The following BAZ2A variants were observed in gnomAD, a reference collection of about 807,000 sequenced individuals.
BAZ2A encodes the protein bromodomain adjacent to zinc finger domain protein 2A.
Under a neutral mutation model 199.9 loss-of-function variants are expected in BAZ2A, and 34 were observed. That is an observed-to-expected ratio of 0.17 (90% confidence interval 0.13 to 0.23). The LOEUF is 0.23. BAZ2A is among the 10% of genes least tolerant of loss of function. The pLI, the probability that BAZ2A is intolerant of heterozygous loss-of-function variation, is 1.00. For missense variants in BAZ2A, 2,002 were observed against 2,391.1 expected, an observed-to-expected ratio of 0.84 and a Z score of 3.39; for synonymous variants, 857 against 883.9, an observed-to-expected ratio of 0.97 and a Z score of 0.54.
At position 56,615,437 on chromosome 12, in the gene BAZ2A, T is replaced by C; in HGVS notation, c.307A>G (p.Ser103Gly). 6.2e-7 allele frequency: 1 copy of C among 1,613,154 alleles called. No individual in the cohort carries two copies. The highest frequency in any genetic ancestry group is 8.5e-7 in the Non-Finnish European group (1 of 1,179,806). Reference sequence around the variant, plus strand: ...AGAAGGGGTGGGTCCTTGAGGTTGCTGCCAGGATTGGCAGATGGGTACTGT... The same window carrying C: ...AGAAGGGGTGGGTCCTTGAGGTTGCCGCCAGGATTGGCAGATGGGTACTGT... ...YSQYPSANPG[S>G]NLKDPPLLSQ... The change falls in exon 3 of 29, where the codon AGC (serine) becomes GGC (glycine). Residue 103 changes from serine to glycine, a missense_variant. Transcript: ENST00000549884.
chr12:56,615,973 G>T (rs557136867), intron 2 of BAZ2A, among the ~76,000 whole-genome samples: 1 of 152,022 alleles, frequency 6.6e-6, no homozygotes, highest in African/African-American at 2.4e-5. Flanking sequence ...GTGCAATCTC[G>T]ACCCACGGCA....
In BAZ2A at chr12:56,604,679, G is replaced by A. The variant is rs1950288263; in HGVS notation, c.2869C>T (p.Arg957Cys). Residue 957 changes from arginine (R) to cysteine (C), a missense_variant, in exon 15 of 29, where the codon CGC (arginine) becomes TGC (cysteine). This residue lies in a region of BAZ2A where 1,081 missense variants were observed against 1,274.7 expected (regional missense o/e 0.85). Transcript: ENST00000549884. ...GGCTGGGCCTGAAAAGGCTGGGTGC[G>A]CAGGCGGTCACAGAGGGCTGGCTCT... ...GVEPALCDRL[R>C]TQPFQAQPPQ... is the part of the protein sequence containing the mutation. The A allele has an allele frequency of 3.1e-6, 5 of 1,612,486 alleles. No homozygotes were observed. The highest frequency in any genetic ancestry group is 2.2e-5 in the South Asian group (2 of 90,660).
At chr12:56,611,536 G>C (rs377351428) in intron 7 of BAZ2A, 37 bp downstream of exon 7, 1 of 1,585,210 alleles carries the variant, frequency 6.3e-7, no homozygotes, top group African/African-American at 1.3e-5. Context: ...CATTAAACTT[G>C]TCAAGGTCAA....
At chr12:56,608,920 C>G (rs1266621337) in intron 10 of BAZ2A, among the ~76,000 whole-genome samples, 1 of 132,816 alleles carries the variant, frequency 7.5e-6, no homozygotes, top group Admixed American at 8.3e-5. Flanking sequence ...TATCACCAAG[C>G]TGGAGTGCAG....
rs377488091 is a variant in BAZ2A, at chr12:56,601,232, T to A, written c.4242A>T (p.Lys1414Asn). 25 of 1,613,896 alleles carry A rather than the reference T, an allele frequency of 1.5e-5. No individual in the cohort carries two copies. Among genetic ancestry groups the A allele is most frequent in the Non-Finnish European group, 1.9e-5 (22 of 1,179,898 alleles). Reference protein sequence around the residue: ...RRGRPPSKFFKQMEQRYLTQL... With the variant: ...RRGRPPSKFFNQMEQRYLTQL... ...GGGTTAGGTAACGCTGTTCCATCTGTTTGAAGAACTTACTGGGAGGTCTCC... is the reference window on the plus strand; with the variant it reads ...GGGTTAGGTAACGCTGTTCCATCTGATTGAAGAACTTACTGGGAGGTCTCC... The change falls in exon 21 of 29, where the codon AAA becomes AAT. Residue 1414 changes from lysine (K) to asparagine (N), a missense_variant. Coordinates refer to ENST00000549884, the MANE Select transcript of BAZ2A (RefSeq NM_001300905.2).
At chr12:56,612,346 T>A in intron 5 of BAZ2A, 100 bp from the exon 6 acceptor site, 1 of 1,027,180 alleles carries the variant, frequency 9.7e-7, no homozygotes, top group Non-Finnish European at 1.4e-6. Context: ...TAAACAGGGT[T>A]ACTTCAAGGG....
Position 56,614,028 on chromosome 12 carries a change from G to A in BAZ2A, c.841C>T (p.His281Tyr). ...GTGTCTTCCAGTTGATCAGGAAGAT[G>A]TGAAGGATCATCTAAACAGCTCACT... The part of the protein sequence containing the change: ...PTVSCLDDPS[H>Y]LPDQLEDTPI... Residue 281 changes from histidine (H) to tyrosine (Y), a missense_variant, in exon 4 of 29, where the codon CAT becomes TAT. Physicochemically the swap from His to Tyr is moderately conservative, Grantham distance 83. Coordinates refer to ENST00000549884, the MANE Select transcript of BAZ2A (RefSeq NM_001300905.2). The A allele has an allele frequency of 6.2e-7, 1 of 1,614,020 alleles. No homozygotes were observed. The highest frequency in any genetic ancestry group is 8.5e-7 in the Non-Finnish European group (1 of 1,179,872).
At chr12:56,612,276 A>T (rs1423136162) in intron 5 of BAZ2A, 30 bp from the exon 6 acceptor site, 97 of 415,182 alleles carry the variant, frequency 2.3e-4, no homozygotes, top group Non-Finnish European at 3.2e-4. Flanking sequence ...GATAGGCTTT[A>T]AAAAAAAAAA....
Position 56,596,395 on chromosome 12 carries a change from C to T in BAZ2A, c.*2223G>A, listed in dbSNP as rs1885837556. The T allele has an allele frequency of 6.6e-6, 1 of 152,592 alleles. No homozygotes were observed. The highest frequency in any genetic ancestry group is 1.9e-4 in the East Asian group (1 of 5,194). The allele number at this position is 152,592 out of a possible 1,614,324, so 9.5% of individuals were successfully genotyped here. Reference sequence around the variant, plus strand: ...AAGAAATGGCCCCTTTGATCATGCCCTATCCCTACCACCCCCAACCCCGCT... The same window carrying T: ...AAGAAATGGCCCCTTTGATCATGCCTTATCCCTACCACCCCCAACCCCGCT... On this transcript the variant is annotated 3_prime_UTR_variant, in exon 29 of 29. Transcript: ENST00000549884.
chr12:56,603,698 A>G lies in BAZ2A; in HGVS notation c.3041T>C (p.Leu1014Pro). The change falls in exon 17 of 29, where the codon CTG becomes CCG. Residue 1014 changes from leucine (L) to proline (P), a missense_variant and splice_region_variant. By Grantham distance (98) the Leu-to-Pro change is moderately conservative. Around this residue, in one of 6 missense-constraint regions of BAZ2A, gnomAD observed 1,081 missense variants for 1,274.7 expected, o/e 0.85. Transcript: ENST00000549884. ...KWIVEGRLRR[L>P]KTVLAKRTGR... ...AGTTCGCTTGGCCAGAACAGTTTTC[A>G]GCCTTGAAATAGATGGAGAAAGATT... is the stretch of plus-strand genomic sequence containing the variant. 6.2e-7 allele frequency: 1 copy of G among 1,613,994 alleles called. No individual in the cohort carries two copies. The highest frequency in any genetic ancestry group is 8.5e-7 in the Non-Finnish European group (1 of 1,179,872).
chr12:56,615,196 C>G lies in BAZ2A; in HGVS notation c.548G>C (p.Ser183Thr). 6.2e-7 allele frequency: 1 copy of G among 1,613,652 alleles called. No individual in the cohort carries two copies. The highest frequency in any genetic ancestry group is 8.5e-7 in the Non-Finnish European group (1 of 1,179,738). ...AGAAGTCTGTGGGGAGGTGAAAAAACTAGGGGGTCCATTGGGCATCACCTC... is the reference window on the plus strand; with the variant it reads ...AGAAGTCTGTGGGGAGGTGAAAAAAGTAGGGGGTCCATTGGGCATCACCTC... ...NFEVMPNGPP[S>T]FFTSPQTSPM... The change falls in exon 3 of 29, where the codon AGT becomes ACT. Residue 183 changes from serine (S) to threonine (T), a missense_variant. Ser to Thr is a moderately conservative substitution (Grantham distance 58). This residue lies in a region of BAZ2A where 641 missense variants were observed against 694.5 expected (regional missense o/e 0.92). Transcript: ENST00000549884.
rs753929996 is a variant in BAZ2A at position 56,605,068 on chromosome 12, C to A, written c.2748+5G>T. 2 of 1,595,370 alleles carry A rather than the reference C, an allele frequency of 1.3e-6. No individual in the cohort carries two copies. Among genetic ancestry groups the A allele is most frequent in the South Asian group, 2.2e-5 (2 of 89,334 alleles). Reference sequence around the variant, plus strand: ...CTGGTTACTTTGGGAGGGACTTGCACTCACCTGACAGTAGGAGGGAAAGCC... The same window carrying A: ...CTGGTTACTTTGGGAGGGACTTGCAATCACCTGACAGTAGGAGGGAAAGCC... On this transcript the variant is annotated splice_donor_5th_base_variant and intron_variant, in intron 14 of 28. Coordinates refer to ENST00000549884, the MANE Select transcript of BAZ2A (RefSeq NM_001300905.2).
At chr12:56,611,488 C>G (rs753976008) in intron 7 of BAZ2A, 85 bp downstream of exon 7, 222 of 1,379,922 alleles carry the variant, frequency 1.6e-4, no homozygotes, top group Non-Finnish European at 2.2e-4. Flanking sequence ...TCCCCCACCT[C>G]AGAGGAAAAG....
chr12:56,615,906 T>TTTTG (rs754780389), intron 2 of BAZ2A, among the ~76,000 whole-genome samples: 1 of 151,958 alleles, frequency 6.6e-6, no homozygotes, highest in East Asian at 1.9e-4. Context: ...TTGGTTTATT[T>TTTTG]TTTGTTTGTT....
chr12:56,630,278 C>T lies in BAZ2A; in HGVS notation c.-156G>A, dbSNP rs1951267214. On this transcript the variant is annotated 5_prime_UTR_variant, in exon 1 of 29. Transcript: ENST00000549884. ...TTCGGGAAGGGGGAGGGGGACGCGG[C>T]TCAACCGCGGGGCCCGAGAGGAGCC... 1.0e-6 allele frequency: 1 copy of T among 984,756 alleles called. No individual in the cohort carries two copies. Among genetic ancestry groups the T allele is most frequent in the Non-Finnish European group, 1.2e-6 (1 of 829,274 alleles). The allele number at this position is 984,756 out of a possible 1,614,324, so 61.0% of individuals were successfully genotyped here. A position where few individuals can be genotyped will look rare whatever the true frequency, so the allele number is the denominator to read the frequency against.
intron 26 of BAZ2A, 48 bp from the exon 27 acceptor site, chr12:56,599,406 C>A: frequency 6.4e-7 from 1 of 1,559,158 alleles, no homozygotes. Flanking sequence ...AGATGCACTG[C>A]TTGCCCTACT....
intron 1 of BAZ2A, chr12:56,636,095 C>CA (rs1951443026): frequency 1.4e-6 from 2 of 1,444,006 alleles, no homozygotes; most frequent in South Asian, 2.5e-5. Flanking sequence ...CCCAAATGAG[C>CA]AAAGGTTAGG....
At chr12:56,609,632 T>C in intron 10 of BAZ2A, 104 bp downstream of exon 10, 1 of 1,214,386 alleles carries the variant, frequency 8.2e-7, no homozygotes, top group Non-Finnish European at 1.2e-6. Flanking sequence ...TCTTCCCAGA[T>C]AATGTTAGTT....
chr12:56,604,483 G>C (rs1950282628), intron 15 of BAZ2A, 102 bp downstream of exon 15: 1 of 1,373,200 alleles, frequency 7.3e-7, no homozygotes, highest in African/African-American at 1.4e-5. Flanking sequence ...TTCAGAACAT[G>C]GCAGTGAACA....
Sources: allele counts gnomAD v4.1 joint callset (sites outside exome capture counted in the v4.1 genomes callset), GRCh38; gene constraint gnomAD v4.1.1; regional missense constraint gnomAD v4.1.1; transcripts MANE v1.5; gene names NCBI Gene and HGNC (gene_info 2026-07-23, HGNC 2026-07-21).